TMEM135: variants seen among roughly 807,000 people sequenced by gnomAD.
TMEM135 encodes transmembrane protein 135.
In TMEM135, 30 loss-of-function variants were observed where a neutral mutation model predicts 60.3. The ratio of observed to expected loss-of-function variants is 0.50; its 90% CI spans 0.37 to 0.68. TMEM135 has a LOEUF of 0.68. Ranked by LOEUF, TMEM135 falls within the 30% of genes least tolerant of loss-of-function variation. The probability of loss-of-function intolerance (pLI) is 0.00; values close to 1 mark genes in which losing one functional copy is unlikely to be tolerated. For synonymous variants in TMEM135, 190 were observed against 186.7 expected, an observed-to-expected ratio of 1.02 and a Z score of -0.14; for missense variants, 468 against 548.8, an observed-to-expected ratio of 0.85 and a Z score of 1.47.
At chr11:87,093,280 C>G (rs1440589637) in intron 4 of TMEM135, among the ~76,000 whole-genome samples, 1 of 151,884 alleles carries the variant, frequency 6.6e-6, no homozygotes, top group Non-Finnish European at 1.5e-5. Context: ...GTGGTGTGAT[C>G]ACGGCTCACT....
In TMEM135 at chr11:87,327,028, A is replaced by G. The variant is rs1364675080; in HGVS notation, c.*5695A>G. 2.2e-6 allele frequency: 1 copy of G among 453,582 alleles called. No individual in the cohort carries two copies. The highest frequency in any genetic ancestry group is 4.4e-6 in the Non-Finnish European group (1 of 226,716). 28.1% of individuals were successfully genotyped at this position (453,582 alleles called of 1,614,324 possible). Reference sequence around the variant, plus strand: ...GTGGCAGTTTTTCCTTGCTGAGGGAACACTGATGTTGTTTAAGACAGTTAC... The same window carrying G: ...GTGGCAGTTTTTCCTTGCTGAGGGAGCACTGATGTTGTTTAAGACAGTTAC... On this transcript the variant is annotated 3_prime_UTR_variant, in exon 15 of 15. Coordinates refer to ENST00000305494, the MANE Select transcript of TMEM135 (RefSeq NM_022918.4).
In TMEM135 at chr11:87,324,586, A is replaced by C. The variant is rs546507876; in HGVS notation, c.*3253A>C. The C allele has an allele frequency of 6.8e-6, 3 of 442,202 alleles. No individual in the cohort carries two copies. 27.4% of individuals were successfully genotyped at this position (442,202 alleles called of 1,614,324 possible). ...AGGCATGTGCCACCATGCCTGGCTA[A>C]TATTTATTTTATTTATTTTTTTTTT... On this transcript the variant is annotated 3_prime_UTR_variant, in exon 15 of 15. Transcript: ENST00000305494.
In TMEM135 at chr11:87,321,803, T is replaced by C; in HGVS notation, c.*470T>C. On this transcript the variant is annotated 3_prime_UTR_variant, in exon 15 of 15. Coordinates refer to ENST00000305494, the MANE Select transcript of TMEM135 (RefSeq NM_022918.4). ...TAAAGTTTTGAATTGGTATCTGTAG[T>C]AGTGGAATGTTATAGATTTGAAGTA... 1 of 454,534 alleles carries C rather than the reference T, an allele frequency of 2.2e-6. No individual in the cohort carries two copies. Among genetic ancestry groups the C allele is most frequent in the Non-Finnish European group, 4.4e-6 (1 of 226,808 alleles). The allele number at this position is 454,534 out of a possible 1,614,324, so 28.2% of individuals were successfully genotyped here.
chr11:87,252,187 G>A (rs1941431425), intron 6 of TMEM135, among the ~76,000 whole-genome samples: 1 of 152,074 alleles, frequency 6.6e-6, no homozygotes, highest in Non-Finnish European at 1.5e-5. Flanking sequence ...CTCTGGGAAA[G>A]TTTAAGTGAA....
chr11:87,053,191 CAA>C (rs71274420), intron 1 of TMEM135, among the ~76,000 whole-genome samples: 9,446 of 71,914 alleles, frequency 0.13, 318 homozygotes, highest in East Asian at 0.24. Context: ...GGAGGGATAG[CAA>C]AAAAAAAAAA....
chr11:87,176,134 G>A (rs1438932779), intron 5 of TMEM135, among the ~76,000 whole-genome samples: 1 of 152,074 alleles, frequency 6.6e-6, no homozygotes, highest in East Asian at 1.9e-4. Flanking sequence ...TGGAGGTGGG[G>A]CCTAATGGGA....
intron 5 of TMEM135, among the ~76,000 whole-genome samples, chr11:87,161,194 G>A (rs115500321): frequency 0.011 from 1,635 of 152,242 alleles, 26 homozygotes; most frequent in African/African-American, 0.038. Flanking sequence ...CGCTGTGCCT[G>A]GCCTGGGTTG....
chr11:87,309,586 C>G lies in TMEM135; in HGVS notation c.850C>G (p.Gln284Glu). 1 of 1,613,892 alleles carries G rather than the reference C, an allele frequency of 6.2e-7. No individual in the cohort carries two copies. The highest frequency in any genetic ancestry group is 8.5e-7 in the Non-Finnish European group (1 of 1,179,834). ...TTCTGCATTTAGGCATCTGTTTACACAGCCATCTCGGCTACTTTCTCTCTT... is the reference window on the plus strand; with the variant it reads ...TTCTGCATTTAGGCATCTGTTTACAGAGCCATCTCGGCTACTTTCTCTCTT... ...IPSAFRHLFT[Q>E]PSRLLSLFYN... is the part of the protein sequence containing the mutation. The change falls in exon 10 of 15, where the codon CAG becomes GAG. Residue 284 changes from glutamine to glutamate, a missense_variant. Gln to Glu is a conservative substitution (Grantham distance 29). Coordinates refer to ENST00000305494, the MANE Select transcript of TMEM135 (RefSeq NM_022918.4).
At chr11:87,249,341 G>A (rs1050758949) in intron 6 of TMEM135, among the ~76,000 whole-genome samples, 2 of 152,130 alleles carry the variant, frequency 1.3e-5, no homozygotes, top group African/African-American at 2.4e-5. Context: ...AGCATCAATT[G>A]AAATGAGCAT....
chr11:87,233,416 A>G (rs898984106), intron 5 of TMEM135, among the ~76,000 whole-genome samples: 6 of 152,114 alleles, frequency 3.9e-5, no homozygotes, highest in African/African-American at 1.2e-4. Context: ...AGTTAAAACT[A>G]CAAGAGAGCT....
chr11:87,073,743 C>T (rs11234950), intron 3 of TMEM135, among the ~76,000 whole-genome samples: 11,581 of 152,050 alleles, frequency 0.076, 508 homozygotes, highest in East Asian at 0.17. Flanking sequence ...TCTCGGCTCA[C>T]TGCAACTTCT....
chr11:87,171,384 G>A (rs1184844040), intron 5 of TMEM135, among the ~76,000 whole-genome samples: 2 of 151,176 alleles, frequency 1.3e-5, no homozygotes, highest in East Asian at 1.9e-4. Context: ...TGTGATATGA[G>A]TGCTGAGGGT....
At chr11:87,117,752 A>G (rs1048470858) in intron 4 of TMEM135, among the ~76,000 whole-genome samples, 7 of 151,800 alleles carry the variant, frequency 4.6e-5, no homozygotes, top group Admixed American at 2.6e-4. Context: ...TGGCTTCCAA[A>G]CTCCTGTTAA....
At position 87,323,747 on chromosome 11, in the gene TMEM135, T is replaced by A. The variant is rs1383618273; in HGVS notation, c.*2414T>A. ...TAGTAGCAACCGAGTAAAGATTGAG[T>A]TTGCAAGATAACAGATTGTCTCAAA... On this transcript the variant is annotated 3_prime_UTR_variant, in exon 15 of 15. Coordinates refer to ENST00000305494, the MANE Select transcript of TMEM135 (RefSeq NM_022918.4). The A allele has an allele frequency of 2.2e-6, 1 of 453,800 alleles. No homozygotes were observed. Among genetic ancestry groups the A allele is most frequent in the Non-Finnish European group, 4.4e-6 (1 of 226,718 alleles). The allele number at this position is 453,800 out of a possible 1,614,324, so 28.1% of individuals were successfully genotyped here. A position where few individuals can be genotyped will look rare whatever the true frequency, so the allele number is the denominator to read the frequency against.
intron 5 of TMEM135, among the ~76,000 whole-genome samples, chr11:87,193,462 A>T (rs1280431861): frequency 1.3e-5 from 2 of 151,842 alleles, no homozygotes; most frequent in Non-Finnish European, 2.9e-5. Flanking sequence ...TTTCCCATTT[A>T]TTTTTCCCAA....
At chr11:87,161,139 C>G (rs573483814) in intron 5 of TMEM135, among the ~76,000 whole-genome samples, 9 of 152,260 alleles carry the variant, frequency 5.9e-5, no homozygotes, top group African/African-American at 1.9e-4. Flanking sequence ...ACCTCGTGAT[C>G]TGCCCTCTTC....
chr11:87,061,711 C>T (rs918525102), intron 1 of TMEM135, among the ~76,000 whole-genome samples: 10 of 152,204 alleles, frequency 6.6e-5, no homozygotes, highest in Non-Finnish European at 1.3e-4. Context: ...AGTGCAATCC[C>T]AATACAGTCA....
Position 87,262,497 on chromosome 11 carries a change from T to G in TMEM135, c.509+25813T>G, listed in dbSNP as rs141677419. ...GGTGGAACACCTTTTCATTGGTTTA[T>G]TAGCCATTTCGATTTCCTACCTCTA... On this transcript the variant is annotated intron_variant, in intron 6 of 14. Transcript: ENST00000305494. 4.0e-3 allele frequency among the ~76,000 whole-genome samples: 616 copies of G among 152,356 alleles called. 4 individuals carry two copies. The highest frequency in any genetic ancestry group is 0.014 in the African/African-American group (586 of 41,590).
chr11:87,311,332 T>G (rs1014433358), intron 10 of TMEM135, among the ~76,000 whole-genome samples: 2 of 152,022 alleles, frequency 1.3e-5, no homozygotes, highest in African/African-American at 4.8e-5. Context: ...ATATTACTAA[T>G]ATTAAAAACA....
Sources: allele counts gnomAD v4.1 joint callset (sites outside exome capture counted in the v4.1 genomes callset), GRCh38; gene constraint gnomAD v4.1.1; transcripts MANE v1.5; gene names NCBI Gene and HGNC (gene_info 2026-07-23, HGNC 2026-07-21).